Variants in TTLL4 observed in about 807,000 individuals in gnomAD.
The protein encoded by TTLL4 is tubulin tyrosine ligase like 4, also known as tubulin monoglutamylase TTLL4.
TTLL4 carries 85 observed loss-of-function variants against 122.7 expected under a neutral mutation model. The observed-to-expected ratio is 0.69, with a 90% CI of 0.58 to 0.83. The LOEUF (loss-of-function observed/expected upper bound fraction) is 0.83. Among genes scored for constraint, TTLL4 ranks in the 40% least tolerant of loss-of-function variants. TTLL4 has a pLI of 0.00. For synonymous variants in TTLL4, 553 were observed against 563.0 expected (o/e 0.98, Z 0.25); for missense variants, 1,363 against 1,488.6 (o/e 0.92, Z 1.39).
chr2:218,724,997 T>C (rs1429151131), intron 1 of TTLL4, among the ~76,000 whole-genome samples: 2 of 152,186 alleles, frequency 1.3e-5, no homozygotes, highest in East Asian at 3.8e-4. Flanking sequence ...CTTCTTGGGC[T>C]CAGGCGATCC....
intron 18 of TTLL4, 63 bp downstream of exon 18, chr2:218,753,248 T>A: frequency 6.3e-7 from 1 of 1,578,776 alleles, no homozygotes; most frequent in Non-Finnish European, 8.7e-7. Context: ...GCCTTATGAG[T>A]GCAGCAGGAG....
intron 2 of TTLL4, among the ~76,000 whole-genome samples, chr2:218,735,912 A>G (rs536716814): frequency 7.2e-6 from 1 of 138,832 alleles, no homozygotes; most frequent in Admixed American, 7.4e-5. Flanking sequence ...CTCGTGATCC[A>G]CCTGCCTTGG....
chr2:218,738,910 A>T lies in TTLL4; in HGVS notation c.1234A>T (p.Thr412Ser). ...CTCAGATACCTTGGGGTTGGACAATACAGTCTTCTGTACCAAGCGTATCAG... is the reference window on the plus strand; with the variant it reads ...CTCAGATACCTTGGGGTTGGACAATTCAGTCTTCTGTACCAAGCGTATCAG... ...GASDTLGLDN[T>S]VFCTKRISIH... Residue 412 changes from threonine (T) to serine (S), a missense_variant, in exon 3 of 20, where the codon ACA becomes TCA. Around this residue, in one of 3 missense-constraint regions of TTLL4, gnomAD observed 760 missense variants for 808.4 expected, o/e 0.94. Coordinates refer to ENST00000392102, the MANE Select transcript of TTLL4 (RefSeq NM_014640.5). The T allele has an allele frequency of 6.2e-7, 1 of 1,614,208 alleles. No homozygotes were observed. Among genetic ancestry groups the T allele is most frequent in the Non-Finnish European group, 8.5e-7 (1 of 1,180,034 alleles).
chr2:218,726,371 G>A (rs927580325), intron 1 of TTLL4, among the ~76,000 whole-genome samples: 4 of 152,132 alleles, frequency 2.6e-5, no homozygotes, highest in Non-Finnish European at 4.4e-5. Flanking sequence ...TATATGCCTA[G>A]GGGTAGTCTT....
Position 218,747,592 on chromosome 2 carries a change from T to C in TTLL4, c.2250-5T>C, listed in dbSNP as rs748962536. 7 of 1,613,978 alleles carry C rather than the reference T, an allele frequency of 4.3e-6. No individual in the cohort carries two copies. The South Asian group carries it at 4.4e-5, about 10-fold the overall frequency. On this transcript the variant is annotated splice_polypyrimidine_tract_variant and splice_region_variant and intron_variant, in intron 10 of 19. Coordinates refer to ENST00000392102, the MANE Select transcript of TTLL4 (RefSeq NM_014640.5). This position sits in a 1 kb window ranked among gnomAD's most constrained non-coding sequence, Gnocchi z 4.7. ...GTATGAGAAGCTGGCCTTTGTCCTA[T>C]GTAGGTATCTACACAAACCCTACCT... is the stretch of plus-strand genomic sequence containing the variant.
At chr2:218,740,460 C>A in intron 4 of TTLL4, 61 bp from the exon 5 acceptor site, 1 of 1,570,328 alleles carries the variant, frequency 6.4e-7, no homozygotes, top group Non-Finnish European at 8.8e-7. Context: ...GTTGCCTAGG[C>A]TTGGTAAGTT....
downstream of TTLL4, among the ~76,000 whole-genome samples, chr2:218,759,641 A>C (rs1943203623): frequency 6.6e-6 from 1 of 152,178 alleles, no homozygotes; most frequent in South Asian, 2.1e-4. Flanking sequence ...GACTATATAC[A>C]GTTGTGGGAA....
At chr2:218,740,010 C>G in intron 3 of TTLL4, 48 bp from the exon 4 acceptor site, 1 of 1,544,692 alleles carries the variant, frequency 6.5e-7, no homozygotes, top group East Asian at 2.2e-5. Flanking sequence ...CTAACTGTGA[C>G]CTCTTTGATG....
At position 218,745,148 on chromosome 2, in the gene TTLL4, T is replaced by C. The variant is rs764248792; in HGVS notation, c.1701T>C (p.His567=). 21 of 1,612,144 alleles carry C rather than the reference T, an allele frequency of 1.3e-5. No homozygotes were observed. Among genetic ancestry groups the C allele is most frequent in the East Asian group, 2.2e-5 (1 of 44,846 alleles). The change falls in exon 6 of 20, where the codon CAT becomes CAC. Residue 567 remains histidine (H), a synonymous_variant. Coordinates refer to ENST00000392102, the MANE Select transcript of TTLL4 (RefSeq NM_014640.5). ...MEILTKPLSN[H]EKVVRPALIY... is the part of the protein sequence containing the mutation. ...TTCTGACCAAACCCCTTTCCAATCA[T>C]GAGAAAGTTGTCCGACCAGCCCTCA...
At chr2:218,711,886 T>TTTTTTTTTTTTTTTTTTGAGACGG (rs1357357418) in intron 1 of TTLL4, among the ~76,000 whole-genome samples, 1 of 150,788 alleles carries the variant, frequency 6.6e-6, no homozygotes. Context: ...ACCTATTCTT[T>TTTTTTTTTTTTTTTTTTGAGACGG]AACTGCAGCA....
chr2:218,743,094 G>A (rs998615831), intron 5 of TTLL4, among the ~76,000 whole-genome samples: 1 of 151,850 alleles, frequency 6.6e-6, no homozygotes, highest in African/African-American at 2.4e-5. Flanking sequence ...CAGTGAGCCG[G>A]TATCGTGCCA....
chr2:218,735,399 T>C (rs1205994691), intron 2 of TTLL4, among the ~76,000 whole-genome samples: 1 of 151,978 alleles, frequency 6.6e-6, no homozygotes, highest in Non-Finnish European at 1.5e-5. Flanking sequence ...CGCCACTCCC[T>C]ATCTTAATAA....
chr2:218,729,030 T>C (rs1313511657), intron 2 of TTLL4, among the ~76,000 whole-genome samples: 2 of 151,004 alleles, frequency 1.3e-5, no homozygotes, highest in Non-Finnish European at 2.9e-5. Flanking sequence ...CCTCCCAGGT[T>C]CAAGAGATGC....
intron 1 of TTLL4, among the ~76,000 whole-genome samples, chr2:218,712,075 G>A (rs890348258): frequency 2.6e-5 from 4 of 152,068 alleles, no homozygotes; most frequent in African/African-American, 9.7e-5. Context: ...TGTTTTCTGC[G>A]AATAGAGAGG....
rs571786239 is a variant in TTLL4, at chr2:218,741,055, G to A, written c.1661+471G>A. The stretch of plus-strand genomic sequence containing the variant: ...GCTGCTGCACTCCAGCCTGGGTGAT[G>A]GAGCAAGACTTTGTCTCAAAAACAA... On this transcript the variant is annotated intron_variant, in intron 5 of 19. Coordinates refer to ENST00000392102, the MANE Select transcript of TTLL4 (RefSeq NM_014640.5). Among the ~76,000 whole-genome samples, 472 of 152,024 alleles carry A rather than the reference G, an allele frequency of 3.1e-3. 1 individual carries two copies. The highest frequency in any genetic ancestry group is 0.011 in the African/African-American group (452 of 41,452).
chr2:218,727,657 G>A (rs894547854), intron 2 of TTLL4, among the ~76,000 whole-genome samples: 1 of 152,100 alleles, frequency 6.6e-6, no homozygotes, highest in Non-Finnish European at 1.5e-5. Context: ...CAGGATAATG[G>A]TGTGAACCCA....
At position 218,738,075 on chromosome 2, in the gene TTLL4, T is replaced by C. The variant is rs926617358; in HGVS notation, c.399T>C (p.Ser133=). 4 of 1,614,018 alleles carry C rather than the reference T, an allele frequency of 2.5e-6. No homozygotes were observed. Among genetic ancestry groups the C allele is most frequent in the Admixed American group, 1.7e-5 (1 of 59,994 alleles). ...YRQKPYQQLE[S]FCLRSSPSEK... is the part of the protein sequence containing the mutation. ...AAAAACCGTACCAGCAACTGGAGTC[T>C]TTCTGCTTGCGTTCGAGCCCGTCAG... The change falls in exon 3 of 20, where the codon TCT becomes TCC. Residue 133 remains serine (S), a synonymous_variant. Coordinates refer to ENST00000392102, the MANE Select transcript of TTLL4 (RefSeq NM_014640.5).
At chr2:218,723,465 G>A (rs1942101945) in intron 1 of TTLL4, among the ~76,000 whole-genome samples, 1 of 152,158 alleles carries the variant, frequency 6.6e-6, no homozygotes, top group Non-Finnish European at 1.5e-5. Context: ...AACTTTATCT[G>A]CCAGGCTTGA....
downstream of TTLL4, among the ~76,000 whole-genome samples, chr2:218,758,173 A>G (rs1297052667): frequency 1.3e-5 from 2 of 152,202 alleles, no homozygotes; most frequent in East Asian, 1.9e-4. Flanking sequence ...ACAGGTGAAA[A>G]CACAAGAAGG....
Sources: allele counts gnomAD v4.1 joint callset (sites outside exome capture counted in the v4.1 genomes callset), GRCh38; gene constraint gnomAD v4.1.1; regional missense constraint gnomAD v4.1.1; non-coding constraint Gnocchi (gnomAD v3.1); transcripts MANE v1.5; gene names NCBI Gene and HGNC (gene_info 2026-07-23, HGNC 2026-07-21).